Variants in B3GAT3 observed in about 807,000 individuals in gnomAD.
B3GAT3 encodes beta-1,3-glucuronyltransferase 3, also known as galactosylgalactosylxylosylprotein 3-beta-glucuronosyltransferase 3.
B3GAT3 carries 19 observed loss-of-function variants against 33.1 expected under a neutral mutation model. The observed-to-expected ratio is 0.57, with a 90% CI of 0.40 to 0.84. The LOEUF is 0.84. Among genes scored for constraint, B3GAT3 ranks in the 40% least tolerant of loss-of-function variants. The pLI is 0.00. For missense variants in B3GAT3, 344 were observed against 441.5 expected (o/e 0.78, Z 1.98); for synonymous variants, 167 against 193.5 (o/e 0.86, Z 1.14).
In B3GAT3 at chr11:62,617,249, G is replaced by A. The variant is rs746566185; in HGVS notation, c.356C>T (p.Pro119Leu). 7.4e-6 allele frequency: 12 copies of A among 1,613,216 alleles called. No homozygotes were observed. Among genetic ancestry groups the A allele is most frequent in the East Asian group, 6.7e-5 (3 of 44,872 alleles). ...LLVEDAEGPT[P>L]LVSGLLAASG... ...GGCAGCCAGCAGCCCTGAGACCAGC[G>A]GGGTGGGACCCTCAGCATCCTCCAC... Residue 119 changes from proline to leucine, a missense_variant, in exon 3 of 5, where the codon CCG (proline) becomes CTG (leucine). Transcript: ENST00000265471.
Position 62,615,587 on chromosome 11 carries a change from G to A in B3GAT3, c.*114C>T. On this transcript the variant is annotated 3_prime_UTR_variant, in exon 5 of 5. Coordinates refer to ENST00000265471, the MANE Select transcript of B3GAT3 (RefSeq NM_012200.4). ...GCCCTGGGCCTGGAGGGGCAGAGGG[G>A]CCACTTCTGGCTCCAAGGGTCAGGA... 4.6e-6 allele frequency: 7 copies of A among 1,524,886 alleles called. No individual in the cohort carries two copies. The highest frequency in any genetic ancestry group is 5.3e-6 in the Non-Finnish European group (6 of 1,136,830). 94.5% of individuals were successfully genotyped at this position (1,524,886 alleles called of 1,614,324 possible). A position where few individuals can be genotyped will look rare whatever the true frequency, so the allele number is the denominator to read the frequency against.
chr11:62,621,448 T>G (rs2134438403), intron 1 of B3GAT3, among the ~76,000 whole-genome samples: 1 of 152,226 alleles, frequency 6.6e-6, no homozygotes, highest in South Asian at 2.1e-4. Flanking sequence ...ACATTTGAGC[T>G]AAGACCTGAA....
Position 62,615,584 on chromosome 11 carries a change from G to T in B3GAT3, c.*117C>A. On this transcript the variant is annotated 3_prime_UTR_variant, in exon 5 of 5. Coordinates refer to ENST00000265471, the MANE Select transcript of B3GAT3 (RefSeq NM_012200.4). ...CATGCCCTGGGCCTGGAGGGGCAGA[G>T]GGGCCACTTCTGGCTCCAAGGGTCA... The T allele has an allele frequency of 3.3e-6, 5 of 1,522,446 alleles. No individual in the cohort carries two copies. The highest frequency in any genetic ancestry group is 3.5e-6 in the Non-Finnish European group (4 of 1,135,158). 94.3% of individuals were successfully genotyped at this position (1,522,446 alleles called of 1,614,324 possible).
At chr11:62,621,530 TGA>T (rs1285148485) in intron 1 of B3GAT3, among the ~76,000 whole-genome samples, 1 of 151,824 alleles carries the variant, frequency 6.6e-6, no homozygotes, top group Non-Finnish European at 1.5e-5. Context: ...GTTAAGTGCT[TGA>T]GAGAGTAATG....
rs183021616 is a variant in B3GAT3 at position 62,615,956 on chromosome 11, G to A, written c.910-157C>T. On this transcript the variant is annotated intron_variant, in intron 4 of 4. Transcript: ENST00000265471. ...AGGAAGACTTAGTGCCTCTAAAACC[G>A]GGCCTTGGCCGGGCGCGTGGCTCAC... 1.7e-5 allele frequency: 25 copies of A among 1,505,838 alleles called. No homozygotes were observed. In the Admixed American group the frequency reaches 3.5e-4, roughly 21 times the overall value. The allele number at this position is 1,505,838 out of a possible 1,614,324, so 93.3% of individuals were successfully genotyped here.
chr11:62,620,940 T>C, intron 1 of B3GAT3: 2 of 555,396 alleles, frequency 3.6e-6, no homozygotes, highest in Non-Finnish European at 6.6e-6. Flanking sequence ...GGTCCTAATT[T>C]TGCCTTCTGG....
chr11:62,617,774 GGCTGAGGCAGGAGAATC>G (rs1943062957), intron 2 of B3GAT3, among the ~76,000 whole-genome samples: 1 of 151,998 alleles, frequency 6.6e-6, no homozygotes, highest in Non-Finnish European at 1.5e-5. Context: ...CTACTTGGGA[GGCTGAGGCAGGAGAATC>G]GCTTGAACCT....
intron 4 of B3GAT3, chr11:62,616,014 A>C (rs992346442): frequency 2.9e-6 from 4 of 1,391,026 alleles, no homozygotes; most frequent in Non-Finnish European, 3.8e-6. Flanking sequence ...GAGGCCGAGG[A>C]AGGCGGATCA....
rs150492409 is a variant in B3GAT3, at chr11:62,618,177, CAAAAAAAAAA to C, written c.258-840_258-831del. ...GAGCGACAAGAGCGAAACTCTGTCT[CAAAAAAAAAA>C]AAAAAAAAAAAAAAAAACAAATTAA... On this transcript the variant is annotated intron_variant, in intron 2 of 4. Coordinates refer to ENST00000265471, the MANE Select transcript of B3GAT3 (RefSeq NM_012200.4). Among the ~76,000 whole-genome samples the C allele has an allele frequency of 6.9e-4, 32 of 46,278 alleles. No individual in the cohort carries two copies. The Admixed American group carries it at 7.2e-3, about 10-fold the overall frequency. 30.4% of individuals were successfully genotyped at this position (46,278 alleles called of 152,430 possible).
chr11:62,615,766 T>G lies in B3GAT3; in HGVS notation c.943A>C (p.Lys315Gln). ...LVWHTRTEKP[K>Q]MKQEEQLQRQ... is the part of the protein sequence containing the mutation. ...TGCAGCTGCTCCTCCTGCTTCATCT[T>G]GGGCTTCTCTGTCCGAGTATGCCAC... Residue 315 changes from lysine to glutamine, a missense_variant, in exon 5 of 5, where the codon AAG becomes CAG. Physicochemically the swap from Lys to Gln is moderately conservative, Grantham distance 53 (BLOSUM62 1). Transcript: ENST00000265471. 6.2e-7 allele frequency: 1 copy of G among 1,614,028 alleles called. No homozygotes were observed. Among genetic ancestry groups the G allele is most frequent in the Non-Finnish European group, 8.5e-7 (1 of 1,180,036 alleles).
At position 62,616,240 on chromosome 11, in the gene B3GAT3, T is replaced by C. The variant is rs533693999; in HGVS notation, c.909+266A>G. The C allele has an allele frequency of 1.0e-3, 567 of 545,782 alleles. 3 individuals carry two copies. Among genetic ancestry groups the C allele is most frequent in the African/African-American group, 9.7e-3 (503 of 51,798 alleles). The allele number at this position is 545,782 out of a possible 1,614,324, so 33.8% of individuals were successfully genotyped here. On this transcript the variant is annotated intron_variant, in intron 4 of 4. Transcript: ENST00000265471. ...GCCTGGGTGACACAGCGAGACTCTG[T>C]CTGAAAAAAAAAAAAAAACAACAAA...
chr11:62,615,429 C>A lies in B3GAT3; in HGVS notation c.*272G>T. 1.7e-6 allele frequency: 1 copy of A among 584,708 alleles called. No individual in the cohort carries two copies. Among genetic ancestry groups the A allele is most frequent in the Non-Finnish European group, 3.0e-6 (1 of 331,814 alleles). 36.2% of individuals were successfully genotyped at this position (584,708 alleles called of 1,614,324 possible). A position where few individuals can be genotyped will look rare whatever the true frequency, so the allele number is the denominator to read the frequency against. On this transcript the variant is annotated 3_prime_UTR_variant, in exon 5 of 5. Coordinates refer to ENST00000265471, the MANE Select transcript of B3GAT3 (RefSeq NM_012200.4). Reference sequence around the variant, plus strand: ...AGTTACCCAGTTACTCAGCTGCCCTCCCTCCTGGGTCCATCTGTCCTTCTG... The same window carrying A: ...AGTTACCCAGTTACTCAGCTGCCCTACCTCCTGGGTCCATCTGTCCTTCTG...
intron 4 of B3GAT3, 59 bp from the exon 5 acceptor site, chr11:62,615,858 C>G: frequency 6.3e-7 from 1 of 1,593,522 alleles, no homozygotes; most frequent in Non-Finnish European, 8.5e-7. Flanking sequence ...CTCTGGGTCC[C>G]CGAGCCTGGA....
At chr11:62,616,389 T>C in intron 4 of B3GAT3, 117 bp downstream of exon 4, 1 of 1,441,192 alleles carries the variant, frequency 6.9e-7, no homozygotes, top group African/African-American at 1.4e-5. Flanking sequence ...GCAAGGCTGA[T>C]CAGAGATCTG....
In B3GAT3 at chr11:62,621,040, CA is replaced by C. The variant is rs1057088404; in HGVS notation, c.83-370del. The C allele has an allele frequency of 8.2e-6, 4 of 489,894 alleles. No homozygotes were observed. In the Admixed American group the frequency reaches 9.2e-5, roughly 11 times the overall value. The allele number at this position is 489,894 out of a possible 1,614,324, so 30.3% of individuals were successfully genotyped here. A position where few individuals can be genotyped will look rare whatever the true frequency, so the allele number is the denominator to read the frequency against. ...ATTACACTATGGAACCCCTTTTGGA[CA>C]GTCTTTCAAATACCTGAGGATAACG... On this transcript the variant is annotated intron_variant, in intron 1 of 4. Transcript: ENST00000265471.
In B3GAT3 at chr11:62,621,904, A is replaced by G. The variant is rs751133434; in HGVS notation, c.44T>C (p.Val15Ala). The change falls in exon 1 of 5, where the codon GTG (valine) becomes GCG (alanine). Residue 15 changes from valine (V) to alanine (A), a missense_variant. By Grantham distance (64) the Val-to-Ala change is moderately conservative. Transcript: ENST00000265471. ...LKNVFLAYFL[V>A]SIAGLLYALV... is the part of the protein sequence containing the mutation. ...CGCGTAGAGGAGGCCGGCGATCGAC[A>G]CCAGGAAGTAGGCGAGAAACACGTT... The G allele has an allele frequency of 2.5e-6, 4 of 1,612,908 alleles. No homozygotes were observed. The highest frequency in any genetic ancestry group is 3.4e-6 in the Non-Finnish European group (4 of 1,179,340).
chr11:62,615,962 T>G (rs1381779596), intron 4 of B3GAT3, 163 bp from the exon 5 acceptor site: 27 of 1,498,876 alleles, frequency 1.8e-5, no homozygotes, highest in Non-Finnish European at 2.1e-5. Context: ...AACCGGGCCT[T>G]GGCCGGGCGC....
chr11:62,618,086 AG>A (rs749424103), intron 2 of B3GAT3, among the ~76,000 whole-genome samples: 31 of 148,380 alleles, frequency 2.1e-4, no homozygotes, highest in Non-Finnish European at 3.1e-4. Context: ...CTGAGGCAGA[AG>A]AATCGCTTGA....
Position 62,615,971 on chromosome 11 carries a change from G to A in B3GAT3, c.910-172C>T, listed in dbSNP as rs571265518. 800 of 1,487,766 alleles carry A rather than the reference G, an allele frequency of 5.4e-4. 12 individuals are homozygous for A. In the South Asian group the frequency reaches 9.3e-3, roughly 17 times the overall value. The allele number at this position is 1,487,766 out of a possible 1,614,324, so 92.2% of individuals were successfully genotyped here. On this transcript the variant is annotated intron_variant, in intron 4 of 4. Transcript: ENST00000265471. ...CTCTAAAACCGGGCCTTGGCCGGGC[G>A]CGTGGCTCACGCCTGTAACCCCAGC...
Sources: allele counts gnomAD v4.1 joint callset (sites outside exome capture counted in the v4.1 genomes callset), GRCh38; gene constraint gnomAD v4.1.1; transcripts MANE v1.5; gene names NCBI Gene and HGNC (gene_info 2026-07-23, HGNC 2026-07-21).